The following SMG6 variants were observed in gnomAD, a reference collection of about 807,000 sequenced individuals.
SMG6 encodes telomerase-binding protein EST1A.
SMG6 carries 66 observed loss-of-function variants against 142.2 expected under a neutral mutation model. That is an observed-to-expected ratio of 0.46 (90% CI 0.38 to 0.57). The LOEUF is 0.57. SMG6 is among the 20% of genes least tolerant of loss of function. The pLI is 0.00. For missense variants in SMG6, 1,793 were observed against 1,832.0 expected, an observed-to-expected ratio of 0.98 and a Z score of 0.39; for synonymous variants, 779 against 702.4, an observed-to-expected ratio of 1.11 and a Z score of -1.72.
At chr17:2,274,680 T>C (rs1168154406) in intron 8 of SMG6, among the ~76,000 whole-genome samples, 1 of 152,110 alleles carries the variant, frequency 6.6e-6, no homozygotes, top group African/African-American at 2.4e-5. Flanking sequence ...TGGCCAAATA[T>C]ACAATGGCAT....
chr17:2,298,787 T>G, intron 2 of SMG6, 119 bp downstream of exon 2: 2 of 870,718 alleles, frequency 2.3e-6, no homozygotes, highest in Non-Finnish European at 3.5e-6. Flanking sequence ...CCTTACAACG[T>G]GAAAAGGAAA....
Position 2,282,848 on chromosome 17 carries a change from C to T in SMG6, c.2460G>A (p.Met820Ile). The T allele has an allele frequency of 6.2e-7, 1 of 1,614,114 alleles. No homozygotes were observed. Among genetic ancestry groups the T allele is most frequent in the Non-Finnish European group, 8.5e-7 (1 of 1,180,040 alleles). ...CAAATTCCTCATGTTGCTTCTTTTC[C>T]ATCTGTTCTGCCTATATAACATACA... ...FEETKRKAEQ[M>I]EKKQHEEFDL... The change falls in exon 8 of 19, where the codon ATG becomes ATA. Residue 820 changes from methionine (M) to isoleucine (I), a missense_variant. Physicochemically the swap from Met to Ile is conservative, Grantham distance 10. This residue lies in a region of SMG6 where 1,597 missense variants were observed against 1,584.6 expected (regional missense o/e 1.01). Transcript: ENST00000263073.
chr17:2,299,727 A>G lies in SMG6; in HGVS notation c.1026T>C (p.Ser342=). The change falls in exon 2 of 19, where the codon AGT becomes AGC. Residue 342 remains serine, a synonymous_variant. Transcript: ENST00000263073. The surrounding 1 kb of genome is among the most constrained non-coding windows in gnomAD (Gnocchi z 4.3). The part of the protein sequence containing the change: ...SGRGEGEQKN[S]AKEYRGTLRV... ...GAAGAGTGCCTCGATATTCTTTAGCACTGTTTTTCTGCTCACCCTCCCCAC... is the reference window on the plus strand; with the variant it reads ...GAAGAGTGCCTCGATATTCTTTAGCGCTGTTTTTCTGCTCACCCTCCCCAC... 6.2e-7 allele frequency: 1 copy of G among 1,614,080 alleles called. No homozygotes were observed. Among genetic ancestry groups the G allele is most frequent in the Non-Finnish European group, 8.5e-7 (1 of 1,180,026 alleles).
Position 2,300,295 on chromosome 17 carries a change from T to G in SMG6, c.458A>C (p.Gln153Pro). 6.2e-7 allele frequency: 1 copy of G among 1,614,132 alleles called. No individual in the cohort carries two copies. The highest frequency in any genetic ancestry group is 8.5e-7 in the Non-Finnish European group (1 of 1,180,040). ...LQIYQPGRRL[Q>P]TVSKESASRV... The stretch of plus-strand genomic sequence containing the variant: ...ACTGGCGGATTCTTTGCTAACAGTC[T>G]GCAAACGTCGTCCAGGCTGATAGAT... The change falls in exon 2 of 19, where the codon CAG becomes CCG. Residue 153 changes from glutamine (Q) to proline (P), a missense_variant. Gln to Pro is a moderately conservative substitution (Grantham distance 76). Coordinates refer to ENST00000263073, the MANE Select transcript of SMG6 (RefSeq NM_017575.5).
intron 13 of SMG6, among the ~76,000 whole-genome samples, chr17:2,126,653 T>C (rs1257988320): frequency 1.3e-5 from 2 of 150,516 alleles, no homozygotes; most frequent in East Asian, 1.9e-4. Context: ...GAGGTGGAGG[T>C]TGCAGTGAGC....
At chr17:2,214,594 C>G (rs796901804) in intron 10 of SMG6, among the ~76,000 whole-genome samples, 8 of 152,310 alleles carry the variant, frequency 5.3e-5, no homozygotes, top group African/African-American at 1.9e-4. Flanking sequence ...GCAGTCAACG[C>G]TGACACACTC....
At chr17:2,282,346 T>C (rs2074804921) in intron 8 of SMG6, among the ~76,000 whole-genome samples, 1 of 106,676 alleles carries the variant, frequency 9.4e-6, no homozygotes, top group African/African-American at 3.8e-5. Context: ...AAATCCCACA[T>C]AGAATCCTAA....
At position 2,065,154 on chromosome 17, in the gene SMG6, C is replaced by G. The variant is rs780441108; in HGVS notation, c.4048G>C (p.Gly1350Arg). Residue 1350 changes from glycine (G) to arginine (R), a missense_variant and splice_region_variant, in exon 18 of 19, where the codon GGT (glycine) becomes CGT (arginine). Gly to Arg is a moderately radical substitution (Grantham distance 125). This residue lies in a region of SMG6 where 179 missense variants were observed against 212.6 expected (regional missense o/e 0.84). Coordinates refer to ENST00000263073, the MANE Select transcript of SMG6 (RefSeq NM_017575.5). Reference sequence around the variant, plus strand: ...GACAGGATGAGATCATCGTTGTTACCCTGGAGGAAGACGTGTGTGAGAAGC... The same window carrying G: ...GACAGGATGAGATCATCGTTGTTACGCTGGAGGAAGACGTGTGTGAGAAGC... Reference protein sequence around the residue: ...FRSEDITGQLGNNDDLILSCC... With the variant: ...FRSEDITGQLRNNDDLILSCC... The G allele has an allele frequency of 6.2e-7, 1 of 1,612,806 alleles. No individual in the cohort carries two copies. Among genetic ancestry groups the G allele is most frequent in the Non-Finnish European group, 8.5e-7 (1 of 1,179,058 alleles).
At chr17:2,285,262 T>G (rs1275565526) in intron 6 of SMG6, among the ~76,000 whole-genome samples, 4 of 152,136 alleles carry the variant, frequency 2.6e-5, no homozygotes, top group Non-Finnish European at 5.9e-5. Context: ...ATTCACTGAT[T>G]GGAAGAGACA....
intron 13 of SMG6, among the ~76,000 whole-genome samples, chr17:2,119,348 C>A (rs919693916): frequency 6.6e-6 from 1 of 151,992 alleles, no homozygotes; most frequent in African/African-American, 2.4e-5. Context: ...TGAGCCACTG[C>A]GCCCGGCCAT....
intron 10 of SMG6, chr17:2,236,184 G>T (rs1216963591): frequency 4.6e-6 from 1 of 216,438 alleles, no homozygotes; most frequent in Non-Finnish European, 9.2e-6. Context: ...GAGGCTCTGG[G>T]TCTGCAGCCT....
intron 4 of SMG6, among the ~76,000 whole-genome samples, chr17:2,295,817 C>T (rs533688024): frequency 6.6e-6 from 1 of 152,302 alleles, no homozygotes; most frequent in African/African-American, 2.4e-5. Context: ...TCAGCATATC[C>T]AAACCTGAAC....
At chr17:2,073,186 C>T (rs544151394) in intron 15 of SMG6, among the ~76,000 whole-genome samples, 3 of 151,870 alleles carry the variant, frequency 2.0e-5, no homozygotes, top group East Asian at 3.9e-4. Flanking sequence ...CAGATTCAAG[C>T]GATTCTCCTG....
chr17:2,285,570 G>A (rs1229597199), intron 6 of SMG6, among the ~76,000 whole-genome samples: 1 of 152,172 alleles, frequency 6.6e-6, no homozygotes, highest in African/African-American at 2.4e-5. Context: ...TAGGCCCAAT[G>A]GCTCAGGCTT....
intron 6 of SMG6, among the ~76,000 whole-genome samples, chr17:2,289,861 C>T (rs902407242): frequency 2.7e-5 from 4 of 150,668 alleles, no homozygotes; most frequent in African/African-American, 4.9e-5. Flanking sequence ...TACAGTAAGC[C>T]GAGACTACTG....
At chr17:2,282,390 C>CAAAAAAA (rs576759563) in intron 8 of SMG6, among the ~76,000 whole-genome samples, 8 of 84,514 alleles carry the variant, frequency 9.5e-5, no homozygotes, top group Admixed American at 1.3e-4. Context: ...CAAAAAGCAG[C>CAAAAAAA]AAAAAAAAAA....
At chr17:2,072,632 C>T in intron 15 of SMG6, among the ~76,000 whole-genome samples, 1 of 152,184 alleles carries the variant, frequency 6.6e-6, no homozygotes, top group South Asian at 2.1e-4. Context: ...AGACACTGAA[C>T]ATTACAAGTA....
chr17:2,233,853 G>A (rs1238254326), intron 10 of SMG6, among the ~76,000 whole-genome samples: 2 of 152,180 alleles, frequency 1.3e-5, no homozygotes, highest in Non-Finnish European at 2.9e-5. Context: ...CCCACACAGC[G>A]GGGTCTGGAT....
intron 10 of SMG6, among the ~76,000 whole-genome samples, chr17:2,230,403 T>C (rs561803933): frequency 2.1e-5 from 3 of 144,412 alleles, no homozygotes; most frequent in Non-Finnish European, 3.0e-5. Flanking sequence ...CTGGGCAACA[T>C]GGGATATTGC....
Sources: gnomAD v4.1 joint callset for allele counts (sites outside exome capture counted in the v4.1 genomes callset) on GRCh38, gnomAD v4.1.1 for gene constraint, gnomAD v4.1.1 regional missense constraint, Gnocchi (gnomAD v3.1) non-coding constraint, MANE v1.5 for transcripts, NCBI Gene and HGNC (gene_info 2026-07-23, HGNC 2026-07-21) for gene names.